The following HYCC1 variants were observed in gnomAD, a reference collection of about 807,000 sequenced individuals.
HYCC1 encodes the protein hyccin PI4KA lipid kinase complex subunit 1, also known as hyccin.
At chr7:22,960,724 CAGTT>C in the HYCC1 span, among the ~76,000 whole-genome samples, 1 of 152,174 alleles carries the variant, frequency 6.6e-6, no homozygotes, top group Non-Finnish European at 1.5e-5. Flanking sequence ...GTTAAAAAGA[CAGTT>C]AGGTGTCTAG....
At chr7:22,930,022 A>C in the HYCC1 span, among the ~76,000 whole-genome samples, 1 of 152,062 alleles carries the variant, frequency 6.6e-6, no homozygotes, top group Non-Finnish European at 1.5e-5. Context: ...ATAAAAAATG[A>C]TGAGTTCATG....
At chr7:23,006,943 A>G in the HYCC1 span, among the ~76,000 whole-genome samples, 2 of 152,262 alleles carry the variant, frequency 1.3e-5, no homozygotes, top group African/African-American at 2.4e-5. Context: ...TACACTTAAC[A>G]TAACATTCTT....
chr7:22,981,481 C>T, the HYCC1 span, among the ~76,000 whole-genome samples: 1 of 152,142 alleles, frequency 6.6e-6, no homozygotes, highest in Non-Finnish European at 1.5e-5. Context: ...AAGTAGATTA[C>T]ACTGTTATAT....
At chr7:22,928,394 T>A in the HYCC1 span, among the ~76,000 whole-genome samples, 1 of 152,142 alleles carries the variant, frequency 6.6e-6, no homozygotes, top group Non-Finnish European at 1.5e-5. Flanking sequence ...GGAAGTCAAA[T>A]TTTCCCTGTT....
the HYCC1 span, among the ~76,000 whole-genome samples, chr7:22,910,842 A>T: frequency 6.7e-5 from 10 of 150,022 alleles, 1 homozygote; most frequent in African/African-American, 2.5e-4. Context: ...GTATTTTAAG[A>T]GTATGCTTAT....
chr7:22,927,302 A>T, the HYCC1 span, among the ~76,000 whole-genome samples: 2 of 152,200 alleles, frequency 1.3e-5, no homozygotes, highest in South Asian at 4.1e-4. Flanking sequence ...CACATTCAAA[A>T]GCTAGCAGAA....
the HYCC1 span, among the ~76,000 whole-genome samples, chr7:22,957,820 G>A: frequency 2.8e-3 from 425 of 151,694 alleles, 1 homozygote; most frequent in African/African-American, 9.2e-3. Context: ...ACATTCTATA[G>A]TCCTATGTTT....
At chr7:23,010,606 T>C in the HYCC1 span, among the ~76,000 whole-genome samples, 19 of 152,286 alleles carry the variant, frequency 1.2e-4, no homozygotes, top group East Asian at 2.3e-3. Flanking sequence ...TATAAACATA[T>C]GTCAAATATC....
chr7:22,925,980 T>G, the HYCC1 span, among the ~76,000 whole-genome samples: 807 of 152,232 alleles, frequency 5.3e-3, 7 homozygotes, highest in Admixed American at 0.012. Context: ...TAACAGCTGA[T>G]CTCTCGGCAG....
At chr7:22,972,084 A>G in the HYCC1 span, among the ~76,000 whole-genome samples, 4 of 152,200 alleles carry the variant, frequency 2.6e-5, no homozygotes, top group Admixed American at 2.6e-4. Flanking sequence ...AGGTGAGAAA[A>G]AAAATGAAAG....
At chr7:22,954,407 TTTC>T in the HYCC1 span, among the ~76,000 whole-genome samples, 6 of 151,196 alleles carry the variant, frequency 4.0e-5, no homozygotes, top group African/African-American at 1.2e-4. Context: ...CTTTTATTCT[TTTC>T]TTTTTTCATC....
chr7:23,001,600 G>C, the HYCC1 span, among the ~76,000 whole-genome samples: 1 of 152,162 alleles, frequency 6.6e-6, no homozygotes, highest in Non-Finnish European at 1.5e-5. Flanking sequence ...CTATAGGGTA[G>C]TAAAAGAACA....
the HYCC1 span, among the ~76,000 whole-genome samples, chr7:22,970,095 C>T: frequency 1.4e-3 from 196 of 137,860 alleles, no homozygotes; most frequent in African/African-American, 4.7e-3. Flanking sequence ...AGAGACAATT[C>T]TCTCAAATAC....
the HYCC1 span, among the ~76,000 whole-genome samples, chr7:22,906,875 A>C: frequency 1.3e-5 from 2 of 152,042 alleles, no homozygotes; most frequent in South Asian, 2.1e-4. Flanking sequence ...ACATCTATTA[A>C]AAATTGAAAA....
the HYCC1 span, chr7:22,938,368 C>A: frequency 3.9e-5 from 6 of 152,196 alleles, no homozygotes; most frequent in Non-Finnish European, 8.8e-5. Flanking sequence ...CCTGCCTTGA[C>A]AGACATACCT....
chr7:23,011,873 G>A, the HYCC1 span, among the ~76,000 whole-genome samples: 2 of 151,822 alleles, frequency 1.3e-5, no homozygotes, highest in African/African-American at 4.8e-5. Context: ...TTCACAACTT[G>A]GCTGTGTGCT....
chr7:22,932,866 T>C, the HYCC1 span, among the ~76,000 whole-genome samples: 3 of 152,182 alleles, frequency 2.0e-5, no homozygotes, highest in Admixed American at 1.3e-4. Context: ...TTTGCAGATG[T>C]AGTTAGCTAA....
the HYCC1 span, among the ~76,000 whole-genome samples, chr7:22,974,696 A>AGTATTGCTCAATGATCCCGTCCTCTG: frequency 6.6e-6 from 1 of 152,098 alleles, no homozygotes; most frequent in Non-Finnish European, 1.5e-5. Context: ...TTCATTTCTA[A>AGTATTGCTCAATGATCCCGTCCTCTG]GTATTGCTCA....
At chr7:22,990,842 A>G in the HYCC1 span, among the ~76,000 whole-genome samples, 1 of 152,250 alleles carries the variant, frequency 6.6e-6, no homozygotes, top group Non-Finnish European at 1.5e-5. Context: ...AAAGAAAATA[A>G]ACAAATGAAT....
Sources: allele counts gnomAD v4.1 joint callset (sites outside exome capture counted in the v4.1 genomes callset), GRCh38; gene constraint gnomAD v4.1.1; transcripts MANE v1.5; gene names NCBI Gene and HGNC (gene_info 2026-07-23, HGNC 2026-07-21).